Variants in CHRDL1 observed in about 807,000 individuals in gnomAD.
CHRDL1 encodes chordin-like protein 1.
Under a neutral mutation model 40.9 loss-of-function variants are expected in CHRDL1, and 19 were observed. That is an observed-to-expected ratio of 0.46 (90% confidence interval 0.32 to 0.68). The LOEUF (loss-of-function observed/expected upper bound fraction) is 0.68, where lower values mean the gene tolerates loss of function less well. CHRDL1 is among the 30% of genes least tolerant of loss of function. The pLI, the probability that CHRDL1 is intolerant of heterozygous loss-of-function variation, is 0.03. For synonymous variants in CHRDL1, 136 were observed against 123.4 expected (o/e 1.10, Z -0.68); for missense variants, 329 against 352.1 (o/e 0.93, Z 0.53).
At chrX:110,682,927 G>A (rs911621966) in intron 9 of CHRDL1, among the ~76,000 whole-genome samples, 3 of 111,970 alleles carry the variant, frequency 2.7e-5, no homozygotes, top group Admixed American at 9.5e-5. Context: ...TAAGGGCCAC[G>A]TGCTAGCACT....
chrX:110,777,617 T>C (rs1183226950), intron 2 of CHRDL1, among the ~76,000 whole-genome samples: 1 of 111,793 alleles, frequency 8.9e-6, no homozygotes, highest in African/African-American at 3.2e-5. Flanking sequence ...ATGTAGAGCA[T>C]CTTTTCATAT....
At chrX:110,763,744 C>G (rs1188544220) in intron 2 of CHRDL1, among the ~76,000 whole-genome samples, 1 of 111,370 alleles carries the variant, frequency 9.0e-6, no homozygotes, top group Non-Finnish European at 1.9e-5. Context: ...TTTTCCTCTG[C>G]ATAGATACCC....
In CHRDL1 at chrX:110,681,559, C is replaced by T; in HGVS notation, c.1079G>A (p.Gly360Glu). ...PVYESVFMEDGETTRKIALET... is the reference protein window; with the variant it reads ...PVYESVFMEDEETTRKIALET... ...CAGTGCTATTTTTCTGGTTGTCTCC[C>T]CATCCTCCATGAATACAGACTCATA... Residue 360 changes from glycine to glutamate, a missense_variant, in exon 10 of 12, where the codon GGG (glycine) becomes GAG (glutamate). Gly to Glu is a moderately conservative substitution (Grantham distance 98). Coordinates refer to ENST00000372042, the MANE Select transcript of CHRDL1 (RefSeq NM_001143981.2). 1 of 1,204,139 alleles carries T rather than the reference C, an allele frequency of 8.3e-7. No individual in the cohort carries two copies. Among genetic ancestry groups the T allele is most frequent in the Non-Finnish European group, 1.1e-6 (1 of 888,642 alleles).
chrX:110,675,367 T>C lies in CHRDL1; in HGVS notation c.*864A>G, dbSNP rs1281346429. The C allele has an allele frequency of 9.0e-6, 1 of 111,690 alleles. No individual in the cohort carries two copies. Among genetic ancestry groups the C allele is most frequent in the African/African-American group, 3.3e-5 (1 of 30,768 alleles). 9.2% of individuals were successfully genotyped at this position (111,690 alleles called of 1,213,427 possible). A position where few individuals can be genotyped will look rare whatever the true frequency, so the allele number is the denominator to read the frequency against. On this transcript the variant is annotated 3_prime_UTR_variant, in exon 12 of 12. Transcript: ENST00000372042. ...TCAGTTTCTGATGATTTTACTCAATTTAACTTCTTTCTGGAAGTCCCATAG... is the reference window on the plus strand; with the variant it reads ...TCAGTTTCTGATGATTTTACTCAATCTAACTTCTTTCTGGAAGTCCCATAG...
In CHRDL1 at chrX:110,700,672, T is replaced by C. The variant is rs138473507; in HGVS notation, c.591A>G (p.Gln197=). 1.7e-4 allele frequency: 204 copies of C among 1,187,783 alleles called. 1 individual carries two copies. In the African/African-American group the frequency reaches 2.6e-3, roughly 15 times the overall value. The change falls in exon 7 of 12, where the codon CAA becomes CAG. Residue 197 remains glutamine, a synonymous_variant. Transcript: ENST00000372042. Reference sequence around the variant, plus strand: ...CACTTACTGCTTCTCTGTTGGCAGGTTGCCGGAAGATATCACCATCAGAAT... The same window carrying C: ...CACTTACTGCTTCTCTGTTGGCAGGCTGCCGGAAGATATCACCATCAGAAT... The part of the protein sequence containing the change: ...WEHSDGDIFR[Q]PANREARHSY...
At chrX:110,753,949 G>A (rs191036447) in intron 4 of CHRDL1, among the ~76,000 whole-genome samples, 170 of 112,221 alleles carry the variant, frequency 1.5e-3, no homozygotes, top group Non-Finnish European at 2.9e-3. Flanking sequence ...AATGAAGTTG[G>A]TATAAAATAG....
chrX:110,741,220 G>A (rs1032683575), intron 4 of CHRDL1, among the ~76,000 whole-genome samples: 4 of 111,708 alleles, frequency 3.6e-5, no homozygotes, highest in Non-Finnish European at 7.5e-5. Context: ...TAGGGCAAAG[G>A]GAACCCTAAT....
chrX:110,732,253 CT>C (rs1289107484), intron 4 of CHRDL1, among the ~76,000 whole-genome samples: 1 of 110,968 alleles, frequency 9.0e-6, no homozygotes, highest in East Asian at 2.8e-4. Context: ...GACAGCTCAG[CT>C]AAAGGAGGGG....
intron 4 of CHRDL1, among the ~76,000 whole-genome samples, chrX:110,758,130 C>CAAAAAAAAAAAAAAA (rs1165155426): frequency 2.4e-5 from 2 of 82,822 alleles, no homozygotes; most frequent in African/African-American, 4.2e-5. Flanking sequence ...AACAAAAAAA[C>CAAAAAAAAAAAAAAA]AAAAAAAAAA....
At chrX:110,710,765 A>G (rs1398381819) in intron 6 of CHRDL1, among the ~76,000 whole-genome samples, 1 of 112,081 alleles carries the variant, frequency 8.9e-6, no homozygotes, top group Non-Finnish European at 1.9e-5. Context: ...TGGGATTTAG[A>G]TGAGGAGAGG....
intron 4 of CHRDL1, among the ~76,000 whole-genome samples, chrX:110,739,336 C>A (rs1175790494): frequency 8.9e-6 from 1 of 112,152 alleles, no homozygotes; most frequent in Non-Finnish European, 1.9e-5. Context: ...CACCCAGCTA[C>A]ACTACATTCC....
intron 6 of CHRDL1, among the ~76,000 whole-genome samples, chrX:110,719,309 C>T (rs1376771063): frequency 9.0e-6 from 1 of 111,618 alleles, no homozygotes; most frequent in Non-Finnish European, 1.9e-5. Flanking sequence ...GAAAAAAAGA[C>T]TAATGTGAGA....
At chrX:110,718,335 G>A (rs1217056969) in intron 6 of CHRDL1, among the ~76,000 whole-genome samples, 2 of 112,038 alleles carry the variant, frequency 1.8e-5, no homozygotes, top group Non-Finnish European at 3.8e-5. Flanking sequence ...GTCTAGTCTG[G>A]AAATAATAGC....
intron 4 of CHRDL1, among the ~76,000 whole-genome samples, chrX:110,735,424 T>C (rs1372629993): frequency 1.8e-5 from 2 of 111,746 alleles, no homozygotes; most frequent in Non-Finnish European, 3.8e-5. Context: ...GAAACACTCC[T>C]TGGAAAGCAC....
chrX:110,784,949 G>T (rs1390864258), intron 2 of CHRDL1, among the ~76,000 whole-genome samples: 1 of 111,657 alleles, frequency 9.0e-6, no homozygotes, highest in Non-Finnish European at 1.9e-5. Context: ...CTGCTAAGCT[G>T]ATGAAACCTG....
In CHRDL1 at chrX:110,725,645, A is replaced by G. The variant is rs73528222; in HGVS notation, c.302-4115T>C. Among the ~76,000 whole-genome samples the G allele has an allele frequency of 3.5e-3, 394 of 111,898 alleles. 3 individuals are homozygous for G. The highest frequency in any genetic ancestry group is 0.012 in the African/African-American group (369 of 30,818). ...CCTATAAAATGATCATTTCCATAGT[A>G]GGACAGTTCTTGGATAGTCAGAAAA... On this transcript the variant is annotated intron_variant, in intron 4 of 11. Coordinates refer to ENST00000372042, the MANE Select transcript of CHRDL1 (RefSeq NM_001143981.2).
intron 4 of CHRDL1, among the ~76,000 whole-genome samples, chrX:110,744,336 A>AT (rs57441558): frequency 0.079 from 8,712 of 110,553 alleles, 887 homozygotes; most frequent in African/African-American, 0.28. Context: ...CCTTTTAGTG[A>AT]TTTTTTTCCC....
intron 2 of CHRDL1, among the ~76,000 whole-genome samples, chrX:110,770,331 G>A (rs977389149): frequency 3.8e-5 from 4 of 105,148 alleles, no homozygotes; most frequent in African/African-American, 1.4e-4. Flanking sequence ...TCTGTGGGTT[G>A]AAGAAGAAAT....
chrX:110,689,598 A>ATATATCTATATATCTATATATATC (rs1569461814), intron 8 of CHRDL1, among the ~76,000 whole-genome samples: 3 of 18,283 alleles, frequency 1.6e-4, no homozygotes, highest in Non-Finnish European at 2.3e-4. Flanking sequence ...CTATATATCT[A>ATATATCTATATATCTATATATATC]TATATATCTA....
Sources: gnomAD v4.1 joint callset for allele counts (sites outside exome capture counted in the v4.1 genomes callset) on GRCh38, gnomAD v4.1.1 for gene constraint, MANE v1.5 for transcripts, NCBI Gene and HGNC (gene_info 2026-07-23, HGNC 2026-07-21) for gene names.